Variants in NKAIN3 observed in about 807,000 individuals in gnomAD.
The protein encoded by NKAIN3 is sodium/potassium-transporting ATPase subunit beta-1-interacting protein 3.
NKAIN3 carries 25 observed loss-of-function variants against 30.2 expected under a neutral mutation model. The observed-to-expected ratio is 0.83, with a 90% CI of 0.60 to 1.16. NKAIN3 has a LOEUF of 1.16. Ranked by LOEUF, NKAIN3 falls within the 50% of genes most tolerant of loss-of-function variation. The pLI, the probability that NKAIN3 is intolerant of heterozygous loss-of-function variation, is 0.00. For missense variants in NKAIN3, 225 were observed against 254.1 expected, an observed-to-expected ratio of 0.89 and a Z score of 0.78; for synonymous variants, 91 against 89.6, an observed-to-expected ratio of 1.02 and a Z score of -0.09.
Position 62,968,153 on chromosome 8 carries a change from T to G in NKAIN3, c.*2746T>G, listed in dbSNP as rs1034642216. 2.0e-5 allele frequency among the ~76,000 whole-genome samples: 3 copies of G among 152,212 alleles called. No homozygotes were observed. The highest frequency in any genetic ancestry group is 7.2e-5 in the African/African-American group (3 of 41,458). ...CAAGTTAGATTGATCTGCCACCTCC[T>G]CTTCTCTCTTTTCTTCTCCCTGCCT... On this transcript the variant is annotated 3_prime_UTR_variant, in exon 7 of 7. Coordinates refer to ENST00000623646, the MANE Select transcript of NKAIN3 (RefSeq NM_001304533.3).
intron 1 of NKAIN3, among the ~76,000 whole-genome samples, chr8:62,314,731 T>A (rs183369304): frequency 5.3e-5 from 8 of 152,300 alleles, no homozygotes; most frequent in Admixed American, 3.9e-4. Context: ...GCCCTTGTGG[T>A]GTTTACGTCT....
chr8:62,636,307 TGA>T (rs944284100), intron 3 of NKAIN3, among the ~76,000 whole-genome samples: 3 of 152,300 alleles, frequency 2.0e-5, no homozygotes, highest in South Asian at 4.1e-4. Context: ...ACTCATTTTT[TGA>T]GTTTCCAAAA....
At chr8:62,267,188 CAAAATATAAAT>C (rs1812636522) in intron 1 of NKAIN3, among the ~76,000 whole-genome samples, 1 of 152,200 alleles carries the variant, frequency 6.6e-6, no homozygotes, top group South Asian at 2.1e-4. Context: ...TGAGTTATAA[CAAAATATAAAT>C]AGAATTCTCT....
Position 62,377,259 on chromosome 8 carries a change from A to G in NKAIN3, c.54+128132A>G, listed in dbSNP as rs564869329. 2.0e-5 allele frequency among the ~76,000 whole-genome samples: 3 copies of G among 152,358 alleles called. No individual in the cohort carries two copies. In the East Asian group the frequency reaches 5.8e-4, roughly 29 times the overall value. ...TTCTTTGTATCTACTACACACACAC[A>G]GAGTTGCATAGTTTCATATACATAA... On this transcript the variant is annotated intron_variant, in intron 1 of 6. Coordinates refer to ENST00000623646, the MANE Select transcript of NKAIN3 (RefSeq NM_001304533.3).
At chr8:62,922,177 T>C (rs890571880) in intron 5 of NKAIN3, among the ~76,000 whole-genome samples, 1 of 152,224 alleles carries the variant, frequency 6.6e-6, no homozygotes, top group African/African-American at 2.4e-5. Context: ...CTTGCTATTA[T>C]ACTTTTGAGG....
At chr8:62,696,723 G>A (rs1814167548) in intron 3 of NKAIN3, among the ~76,000 whole-genome samples, 1 of 152,030 alleles carries the variant, frequency 6.6e-6, no homozygotes, top group South Asian at 2.1e-4. Flanking sequence ...CTAATTTGAT[G>A]TGAGGAAGAT....
chr8:62,880,571 A>T (rs1175988211), intron 4 of NKAIN3, among the ~76,000 whole-genome samples: 1 of 152,230 alleles, frequency 6.6e-6, no homozygotes, highest in Non-Finnish European at 1.5e-5. Context: ...TCAAAATTGC[A>T]CACTTTAAGT....
intron 2 of NKAIN3, among the ~76,000 whole-genome samples, chr8:62,580,995 T>TG (rs1166989880): frequency 6.7e-6 from 1 of 149,146 alleles, no homozygotes; most frequent in Non-Finnish European, 1.5e-5. Flanking sequence ...CCCAGCTACT[T>TG]GGGGGGCCAA....
intron 1 of NKAIN3, among the ~76,000 whole-genome samples, chr8:62,546,315 T>A (rs1809012755): frequency 1.3e-5 from 2 of 152,092 alleles, no homozygotes; most frequent in Admixed American, 1.3e-4. Context: ...AAAAATCACC[T>A]ATGGGGACAA....
At chr8:62,810,573 C>A (rs1818454533) in intron 4 of NKAIN3, among the ~76,000 whole-genome samples, 1 of 151,028 alleles carries the variant, frequency 6.6e-6, no homozygotes. Flanking sequence ...ATTGGAGAAA[C>A]CTCAATCTTT....
intron 4 of NKAIN3, among the ~76,000 whole-genome samples, chr8:62,848,556 A>G (rs1819760655): frequency 6.6e-6 from 1 of 152,134 alleles, no homozygotes; most frequent in African/African-American, 2.4e-5. Flanking sequence ...TTATCAGCTT[A>G]AGAAGCTTCT....
At chr8:62,861,570 T>C (rs932162858) in intron 4 of NKAIN3, among the ~76,000 whole-genome samples, 2 of 152,152 alleles carry the variant, frequency 1.3e-5, no homozygotes, top group Non-Finnish European at 2.9e-5. Flanking sequence ...AAACAAAATA[T>C]ACTGTTCCTA....
At chr8:62,326,216 A>G (rs1455335174) in intron 1 of NKAIN3, among the ~76,000 whole-genome samples, 1 of 151,888 alleles carries the variant, frequency 6.6e-6, no homozygotes, top group Non-Finnish European at 1.5e-5. Flanking sequence ...AGACACAAAT[A>G]TCCAAGAGTG....
intron 3 of NKAIN3, among the ~76,000 whole-genome samples, chr8:62,641,016 T>A (rs577314992): frequency 6.6e-5 from 10 of 152,206 alleles, no homozygotes; most frequent in Admixed American, 2.6e-4. Context: ...TATTTATTTT[T>A]TTTTTTTAGT....
intron 1 of NKAIN3, among the ~76,000 whole-genome samples, chr8:62,373,162 C>T (rs1816961349): frequency 6.6e-6 from 1 of 152,146 alleles, no homozygotes; most frequent in Non-Finnish European, 1.5e-5. Flanking sequence ...TGCTACATTT[C>T]ATCCCAAATA....
At position 62,559,336 on chromosome 8, in the gene NKAIN3, A is replaced by G. The variant is rs1809498087; in HGVS notation, c.55-20203A>G. Among the ~76,000 whole-genome samples, 9 of 151,962 alleles carry G rather than the reference A, an allele frequency of 5.9e-5. No individual in the cohort carries two copies. In the South Asian group the frequency reaches 1.9e-3, roughly 32 times the overall value. ...AATTTATTTGAAGTGAGTTTTTTGT[A>G]GATAACATACAGATGTGTTTTTTAA... On this transcript the variant is annotated intron_variant, in intron 1 of 6. Transcript: ENST00000623646.
chr8:62,436,074 A>G (rs1805164498), intron 1 of NKAIN3, among the ~76,000 whole-genome samples: 1 of 152,184 alleles, frequency 6.6e-6, no homozygotes, highest in Non-Finnish European at 1.5e-5. Flanking sequence ...TAAATCCCTA[A>G]AGGCAAATTG....
intron 3 of NKAIN3, among the ~76,000 whole-genome samples, chr8:62,632,650 G>A (rs907191214): frequency 1.3e-5 from 2 of 151,972 alleles, no homozygotes; most frequent in African/African-American, 4.8e-5. Flanking sequence ...TTACAGCCGT[G>A]TGCCACCATG....
chr8:62,510,979 G>T (rs16929096), intron 1 of NKAIN3, among the ~76,000 whole-genome samples: 2 of 151,958 alleles, frequency 1.3e-5, no homozygotes, highest in Non-Finnish European at 1.5e-5. Context: ...CCAGGTTTCT[G>T]TCCAGGTCCT....
Sources: gnomAD v4.1 joint callset for allele counts (sites outside exome capture counted in the v4.1 genomes callset) on GRCh38, gnomAD v4.1.1 for gene constraint, MANE v1.5 for transcripts, NCBI Gene and HGNC (gene_info 2026-07-23, HGNC 2026-07-21) for gene names.